Variants in PCGF3 observed in about 807,000 individuals in gnomAD.
The protein encoded by PCGF3 is polycomb group RING finger protein 3.
A neutral mutation model predicts 33.1 loss-of-function variants in PCGF3; 7 were observed. The observed-to-expected ratio is 0.21, with a 90% CI of 0.12 to 0.40. The LOEUF (loss-of-function observed/expected upper bound fraction) is 0.40, where lower values mean the gene tolerates loss of function less well. PCGF3 is among the 10% of genes least tolerant of loss of function. PCGF3 has a pLI of 1.00. For synonymous variants in PCGF3, 153 were observed against 121.3 expected (o/e 1.26, Z -1.72); for missense variants, 211 against 313.3 (o/e 0.67, Z 2.46).
At chr4:716,642 G>A (rs1307841640) in intron 1 of PCGF3, among the ~76,000 whole-genome samples, 2 of 143,254 alleles carry the variant, frequency 1.4e-5, no homozygotes, top group Non-Finnish European at 3.1e-5. Flanking sequence ...TAGACACTGA[G>A]TGTGAGAACT....
intron 8 of PCGF3, among the ~76,000 whole-genome samples, chr4:752,305 G>A (rs1202664056): frequency 6.6e-6 from 1 of 152,210 alleles, no homozygotes; most frequent in Non-Finnish European, 1.5e-5. Flanking sequence ...TCCTTTCACA[G>A]CCAGAAGCCT....
intron 1 of PCGF3, among the ~76,000 whole-genome samples, chr4:714,002 G>A (rs539293311): frequency 3.5e-4 from 53 of 152,298 alleles, no homozygotes; most frequent in Non-Finnish European, 5.1e-4. Context: ...GCTGTGGTCC[G>A]AACGTCTGTG....
intron 8 of PCGF3, among the ~76,000 whole-genome samples, chr4:747,898 C>G (rs1033391666): frequency 4.0e-5 from 6 of 151,890 alleles, no homozygotes; most frequent in Non-Finnish European, 8.8e-5. Context: ...TTTTTAATTA[C>G]CAGAGGAACA....
At chr4:750,292 T>G (rs978282462) in intron 8 of PCGF3, among the ~76,000 whole-genome samples, 7 of 152,252 alleles carry the variant, frequency 4.6e-5, no homozygotes, top group Admixed American at 3.9e-4. Context: ...TTCCATCCAC[T>G]CCTCTTTCTA....
chr4:755,291 G>A (rs1483330586), intron 8 of PCGF3, among the ~76,000 whole-genome samples: 1 of 151,800 alleles, frequency 6.6e-6, no homozygotes, highest in Non-Finnish European at 1.5e-5. Context: ...GTGTTCCACG[G>A]TATCTGTGTT....
At chr4:761,776 G>A in intron 9 of PCGF3, 1 of 985,444 alleles carries the variant, frequency 1.0e-6, no homozygotes, top group South Asian at 4.7e-5. Context: ...CCAGGCTGTG[G>A]TGTGTAAGGA....
chr4:740,603 G>A (rs755448163), intron 6 of PCGF3, among the ~76,000 whole-genome samples: 8 of 152,080 alleles, frequency 5.3e-5, no homozygotes, highest in Non-Finnish European at 1.0e-4. Flanking sequence ...CTTTAGAAAC[G>A]TGGGGGCCGG....
intron 8 of PCGF3, among the ~76,000 whole-genome samples, chr4:755,954 C>A (rs963225957): frequency 7.9e-6 from 1 of 126,106 alleles, no homozygotes; most frequent in Non-Finnish European, 1.6e-5. Flanking sequence ...TTCCCTCTTG[C>A]CCAGGCTGGA....
intron 8 of PCGF3, among the ~76,000 whole-genome samples, chr4:747,817 AG>A (rs1462763148): frequency 6.6e-6 from 1 of 152,094 alleles, no homozygotes; most frequent in African/African-American, 2.4e-5. Flanking sequence ...CTGGGGATGA[AG>A]GGAAGCAGTG....
intron 1 of PCGF3, among the ~76,000 whole-genome samples, chr4:719,950 C>G (rs1047597307): frequency 1.3e-5 from 2 of 152,168 alleles, no homozygotes; most frequent in African/African-American, 2.4e-5. Flanking sequence ...GGGATCGTAG[C>G]TGTGGTGCGG....
At chr4:757,848 A>G (rs1744838770) in intron 8 of PCGF3, 1 of 152,134 alleles carries the variant, frequency 6.6e-6, no homozygotes, top group African/African-American at 2.4e-5. Flanking sequence ...AGTGGTTACA[A>G]AATGTATAAA....
intron 1 of PCGF3, among the ~76,000 whole-genome samples, chr4:726,463 G>A (rs536770397): frequency 6.2e-4 from 94 of 152,348 alleles, no homozygotes; most frequent in African/African-American, 2.2e-3. Context: ...TGTGGCCCTG[G>A]AGGCACTGCC....
intron 6 of PCGF3, among the ~76,000 whole-genome samples, chr4:742,903 A>G (rs1012491060): frequency 2.0e-5 from 3 of 152,166 alleles, no homozygotes; most frequent in Non-Finnish European, 4.4e-5. Context: ...CCTGGGACAC[A>G]TGGTCCCCGG....
intron 1 of PCGF3, among the ~76,000 whole-genome samples, chr4:711,647 CG>C (rs1162699358): frequency 6.7e-5 from 10 of 149,562 alleles, no homozygotes; most frequent in Non-Finnish European, 1.3e-4. Context: ...TTAGTAGAGA[CG>C]GGGTTTCACC....
chr4:761,789 C>T (rs989139487), intron 9 of PCGF3: 7 of 985,254 alleles, frequency 7.1e-6, no homozygotes, highest in East Asian at 1.1e-4. Context: ...TGTAAGGAGA[C>T]GAAGGAGTGC....
exon 11 of PCGF3, chr4:767,978 AAC>A (rs1209226097): frequency 6.5e-6 from 1 of 152,692 alleles, no homozygotes; most frequent in Non-Finnish European, 1.5e-5. Flanking sequence ...GAAAGGATTA[AAC>A]AGTTACAAGC....
Position 765,075 on chromosome 4 carries a change from T to C in PCGF3, c.681+11T>C. ...AGGTGGAGATTCAAGGTGAGACACG[T>C]GATTTGATTTTCAGAGTCTGCTCTG... is the stretch of plus-strand genomic sequence containing the variant. On this transcript the variant is annotated intron_variant, in intron 10 of 10. Coordinates refer to ENST00000362003, the Ensembl canonical transcript of PCGF3. 6.3e-7 allele frequency: 1 copy of C among 1,591,530 alleles called. No individual in the cohort carries two copies. Among genetic ancestry groups the C allele is most frequent in the African/African-American group, 1.3e-5 (1 of 74,586 alleles).
chr4:741,470 G>A (rs570827880), intron 6 of PCGF3, among the ~76,000 whole-genome samples: 2 of 152,266 alleles, frequency 1.3e-5, no homozygotes, highest in South Asian at 2.1e-4. Flanking sequence ...GCAGTGGCAC[G>A]ATCTCAGCTC....
chr4:733,083 G>A (rs1170864019), intron 3 of PCGF3, among the ~76,000 whole-genome samples: 4 of 149,290 alleles, frequency 2.7e-5, no homozygotes, highest in Non-Finnish European at 5.9e-5. Flanking sequence ...CCCCTGCCCC[G>A]TGCTGCCTCC....
Sources: allele counts gnomAD v4.1 joint callset (sites outside exome capture counted in the v4.1 genomes callset), GRCh38; gene constraint gnomAD v4.1.1; transcripts MANE v1.5; gene names NCBI Gene and HGNC (gene_info 2026-07-23, HGNC 2026-07-21).